The following SLC24A3 variants were observed in gnomAD, a reference collection of about 807,000 sequenced individuals.
SLC24A3 encodes the protein sodium/potassium/calcium exchanger 3.
SLC24A3 carries 28 observed loss-of-function variants against 75.8 expected under a neutral mutation model. The observed-to-expected ratio is 0.37, with a 90% CI of 0.27 to 0.51. The LOEUF (loss-of-function observed/expected upper bound fraction) is 0.51. SLC24A3 is among the 20% of genes least tolerant of loss of function. SLC24A3 has a pLI of 0.94. For synonymous variants in SLC24A3, 372 were observed against 334.1 expected (o/e 1.11, Z -1.24); for missense variants, 663 against 847.8 (o/e 0.78, Z 2.71).
chr20:19,360,976 G>T (rs1201540707), intron 2 of SLC24A3, among the ~76,000 whole-genome samples: 1 of 152,064 alleles, frequency 6.6e-6, no homozygotes, highest in East Asian at 1.9e-4. Flanking sequence ...ACAGGTGCCC[G>T]CCACCATGCC....
intron 2 of SLC24A3, among the ~76,000 whole-genome samples, chr20:19,396,845 T>C (rs1462362354): frequency 2.6e-5 from 4 of 152,214 alleles, no homozygotes; most frequent in Non-Finnish European, 5.9e-5. Flanking sequence ...TGTCAAAGCA[T>C]GCATGCAGAC....
intron 1 of SLC24A3, among the ~76,000 whole-genome samples, chr20:19,262,038 A>G (rs1983006437): frequency 6.6e-6 from 1 of 152,120 alleles, no homozygotes; most frequent in Admixed American, 6.5e-5. Flanking sequence ...TTATGTTAGC[A>G]TCATTCCCAA....
At chr20:19,604,416 G>A (rs1323076459) in intron 6 of SLC24A3, among the ~76,000 whole-genome samples, 5 of 152,214 alleles carry the variant, frequency 3.3e-5, no homozygotes, top group Non-Finnish European at 7.3e-5. Flanking sequence ...GAGTGACTCG[G>A]TTAGGGGAAC....
intron 1 of SLC24A3, among the ~76,000 whole-genome samples, chr20:19,248,818 T>C (rs1351743036): frequency 1.3e-5 from 2 of 151,522 alleles, no homozygotes; most frequent in Non-Finnish European, 2.9e-5. Flanking sequence ...TGTTCAGACT[T>C]GAAAGATGAT....
intron 2 of SLC24A3, among the ~76,000 whole-genome samples, chr20:19,482,064 C>G (rs1317568622): frequency 6.6e-6 from 1 of 152,222 alleles, no homozygotes; most frequent in Non-Finnish European, 1.5e-5. Context: ...CATGTTGCTT[C>G]ATTGGCCTCC....
intron 2 of SLC24A3, among the ~76,000 whole-genome samples, chr20:19,504,015 C>T (rs918827024): frequency 2.6e-5 from 4 of 152,154 alleles, no homozygotes; most frequent in Admixed American, 6.5e-5. Context: ...AAATAAGGAG[C>T]GCACATGTCC....
At chr20:19,611,395 A>T (rs2031669847) in intron 6 of SLC24A3, among the ~76,000 whole-genome samples, 1 of 152,228 alleles carries the variant, frequency 6.6e-6, no homozygotes, top group African/African-American at 2.4e-5. Context: ...TACAGGAGTC[A>T]GTCTGATAGC....
chr20:19,627,257 C>T (rs1376242812), intron 6 of SLC24A3, among the ~76,000 whole-genome samples: 1 of 152,210 alleles, frequency 6.6e-6, no homozygotes, highest in East Asian at 1.9e-4. Context: ...TACAACCGCA[C>T]ATAAGCCATT....
chr20:19,456,001 T>C (rs1173881922), intron 2 of SLC24A3, among the ~76,000 whole-genome samples: 2 of 152,236 alleles, frequency 1.3e-5, no homozygotes, highest in African/African-American at 4.8e-5. Flanking sequence ...TATAATGTAC[T>C]GGGGAAGGTA....
intron 6 of SLC24A3, among the ~76,000 whole-genome samples, chr20:19,630,828 A>G (rs2031924327): frequency 6.6e-6 from 1 of 152,222 alleles, no homozygotes; most frequent in South Asian, 2.1e-4. Context: ...AACATACCCT[A>G]GGACCAGAAC....
chr20:19,580,597 T>C (rs562517707), intron 4 of SLC24A3, among the ~76,000 whole-genome samples: 2 of 152,108 alleles, frequency 1.3e-5, no homozygotes, highest in Admixed American at 6.5e-5. Context: ...AAAGTGTCCC[T>C]GTTAGAAATC....
At chr20:19,408,390 C>CG (rs1555791841) in intron 2 of SLC24A3, among the ~76,000 whole-genome samples, 1 of 137,066 alleles carries the variant, frequency 7.3e-6, no homozygotes, top group Admixed American at 7.3e-5. Flanking sequence ...ATTAAAAATA[C>CG]TTTTTTTTTT....
chr20:19,626,889 C>T (rs2031873069), intron 6 of SLC24A3, among the ~76,000 whole-genome samples: 1 of 152,168 alleles, frequency 6.6e-6, no homozygotes, highest in Admixed American at 6.5e-5. Flanking sequence ...TGGGCTGTCA[C>T]GTAGAGCCAG....
intron 6 of SLC24A3, among the ~76,000 whole-genome samples, chr20:19,632,151 C>T (rs1196386606): frequency 6.6e-6 from 1 of 152,178 alleles, no homozygotes; most frequent in Non-Finnish European, 1.5e-5. Context: ...CTTTAGAACA[C>T]TAACTGTGCA....
chr20:19,342,818 C>A (rs1985299118), intron 2 of SLC24A3, among the ~76,000 whole-genome samples: 2 of 152,210 alleles, frequency 1.3e-5, no homozygotes, highest in South Asian at 4.2e-4. Flanking sequence ...CGCCTGTAAT[C>A]CTAGCACTTT....
intron 4 of SLC24A3, 32 bp from the exon 5 acceptor site, chr20:19,584,939 C>A (rs1568663751): frequency 1.3e-6 from 2 of 1,590,794 alleles, no homozygotes; most frequent in Non-Finnish European, 1.7e-6. Flanking sequence ...GGAATCCCAA[C>A]TCACCTGTGC....
Position 19,659,889 on chromosome 20 carries a change from A to G in SLC24A3, c.687+5753A>G, listed in dbSNP as rs537699267. The stretch of plus-strand genomic sequence containing the variant: ...GTCTAGTTTTTAGGCAGAAGGGAAC[A>G]GCTCCAGCCACCCCCTGCTAGAATT... On this transcript the variant is annotated intron_variant, in intron 7 of 16. Transcript: ENST00000328041. Among the ~76,000 whole-genome samples, 3 of 152,354 alleles carry G rather than the reference A, an allele frequency of 2.0e-5. No individual in the cohort carries two copies. The East Asian group carries it at 5.8e-4, about 29-fold the overall frequency.
chr20:19,669,524 G>A (rs528881659), intron 8 of SLC24A3, among the ~76,000 whole-genome samples: 2 of 151,636 alleles, frequency 1.3e-5, no homozygotes, highest in African/African-American at 2.4e-5. Flanking sequence ...AGAAAAAAAA[G>A]TGTCAGAGGC....
chr20:19,242,530 G>C (rs898849061), intron 1 of SLC24A3: 2 of 152,168 alleles, frequency 1.3e-5, no homozygotes, highest in African/African-American at 4.8e-5. Context: ...GAAAGTACAG[G>C]GCAGTTGTCG....
Sources: gnomAD v4.1 joint callset for allele counts (sites outside exome capture counted in the v4.1 genomes callset) on GRCh38, gnomAD v4.1.1 for gene constraint, MANE v1.5 for transcripts, NCBI Gene and HGNC (gene_info 2026-07-23, HGNC 2026-07-21) for gene names.